ZFHX3: variants seen among roughly 807,000 people sequenced by gnomAD.
The protein encoded by ZFHX3 is zinc finger homeobox protein 3.
ZFHX3 carries 42 observed loss-of-function variants against 279.1 expected under a neutral mutation model. That is an observed-to-expected ratio of 0.15 (90% confidence interval 0.12 to 0.19). ZFHX3 has a LOEUF of 0.19. Among genes scored for constraint, ZFHX3 ranks in the 10% least tolerant of loss-of-function variants. The pLI is 1.00. For missense variants in ZFHX3, 4,981 were observed against 4,754.0 expected, an observed-to-expected ratio of 1.05 and a Z score of -1.40; for synonymous variants, 2,293 against 1,957.8, an observed-to-expected ratio of 1.17 and a Z score of -4.52.
intron 3 of ZFHX3, among the ~76,000 whole-genome samples, chr16:73,321,236 C>T (rs2015568106): frequency 6.6e-6 from 1 of 152,166 alleles, no homozygotes. Context: ...CTCTGGCTTC[C>T]TCAGGAGTCC....
At chr16:73,356,172 C>T (rs993871676) in intron 3 of ZFHX3, among the ~76,000 whole-genome samples, 1 of 152,198 alleles carries the variant, frequency 6.6e-6, no homozygotes, top group African/African-American at 2.4e-5. Context: ...GGAGTCACCC[C>T]CCGCCGACCA....
chr16:73,737,926 G>A (rs1316441600), intron 1 of ZFHX3, among the ~76,000 whole-genome samples: 3 of 152,134 alleles, frequency 2.0e-5, no homozygotes, highest in Non-Finnish European at 4.4e-5. Flanking sequence ...GAGAACCCAG[G>A]GGGTGTAGAG....
At chr16:73,114,768 G>T (rs34516333) in intron 7 of ZFHX3, among the ~76,000 whole-genome samples, 25,839 of 152,220 alleles carry the variant, frequency 0.17, 2,998 homozygotes, top group Middle Eastern at 0.25. Flanking sequence ...TGAATGGCCA[G>T]CCTGTCTTTG....
intron 7 of ZFHX3, among the ~76,000 whole-genome samples, chr16:73,130,330 C>T (rs926851930): frequency 3.9e-5 from 6 of 151,938 alleles, no homozygotes; most frequent in African/African-American, 7.2e-5. Context: ...GATGGCTCTG[C>T]GTTCTTGGGC....
chr16:73,007,994 C>T (rs1339317877), intron 1 of ZFHX3, among the ~76,000 whole-genome samples: 1 of 152,106 alleles, frequency 6.6e-6, no homozygotes, highest in Non-Finnish European at 1.5e-5. Context: ...CTTAATTAAA[C>T]ATGATAGTGA....
chr16:73,414,217 A>G (rs1490366203), intron 3 of ZFHX3, among the ~76,000 whole-genome samples: 1 of 152,258 alleles, frequency 6.6e-6, no homozygotes, highest in South Asian at 2.1e-4. Context: ...AGCTCCAACC[A>G]TTACCTGAAA....
At chr16:73,310,845 C>G (rs755203176) in intron 4 of ZFHX3, among the ~76,000 whole-genome samples, 10 of 147,078 alleles carry the variant, frequency 6.8e-5, no homozygotes, top group Admixed American at 2.0e-4. Flanking sequence ...ATAGGCTCAC[C>G]CTGTAATATT....
intron 3 of ZFHX3, among the ~76,000 whole-genome samples, chr16:72,904,346 A>G (rs1203620903): frequency 1.3e-5 from 2 of 151,566 alleles, no homozygotes; most frequent in African/African-American, 4.9e-5. Context: ...CCAGCCTGGC[A>G]ACAGAGTGAG....
rs115197532 is a variant in ZFHX3 at position 72,892,120 on chromosome 16, G to A, written c.3217-2158C>T. Among the ~76,000 whole-genome samples, 428 of 152,306 alleles carry A rather than the reference G, an allele frequency of 2.8e-3. 3 individuals carry two copies. The highest frequency in any genetic ancestry group is 9.8e-3 in the African/African-American group (408 of 41,560). Reference sequence around the variant, plus strand: ...CACACGTCCTGTGTTCACTGATCACGTGTGAAAAATCCAGAAGCATGTTTG... The same window carrying A: ...CACACGTCCTGTGTTCACTGATCACATGTGAAAAATCCAGAAGCATGTTTG... On this transcript the variant is annotated intron_variant, in intron 3 of 9. Transcript: ENST00000268489.
At chr16:73,468,623 G>C (rs2018612183) in intron 2 of ZFHX3, among the ~76,000 whole-genome samples, 1 of 152,136 alleles carries the variant, frequency 6.6e-6, no homozygotes, top group Non-Finnish European at 1.5e-5. Context: ...TGTAATCCCA[G>C]CTTCTTGGAA....
At chr16:73,283,731 T>A (rs1424492079) in intron 4 of ZFHX3, among the ~76,000 whole-genome samples, 1 of 152,190 alleles carries the variant, frequency 6.6e-6, no homozygotes, top group African/African-American at 2.4e-5. Flanking sequence ...AAAATACATT[T>A]TAAAATTCTT....
intron 1 of ZFHX3, among the ~76,000 whole-genome samples, chr16:73,843,804 C>T (rs537080436): frequency 6.6e-6 from 1 of 152,290 alleles, no homozygotes; most frequent in Non-Finnish European, 1.5e-5. Flanking sequence ...AGGTCTCCTT[C>T]GCAGCTACTC....
chr16:73,022,884 C>T (rs1291626567), intron 1 of ZFHX3, among the ~76,000 whole-genome samples: 1 of 151,486 alleles, frequency 6.6e-6, no homozygotes, highest in Non-Finnish European at 1.5e-5. Context: ...TTTTTTTTTT[C>T]AAGAGAAGGT....
At chr16:73,382,804 G>T (rs899929811) in intron 3 of ZFHX3, among the ~76,000 whole-genome samples, 1 of 152,156 alleles carries the variant, frequency 6.6e-6, no homozygotes, top group African/African-American at 2.4e-5. Flanking sequence ...ACTTTCAATA[G>T]AAACAAATGT....
chr16:73,424,078 T>C (rs1409314764), intron 3 of ZFHX3, among the ~76,000 whole-genome samples: 1 of 152,156 alleles, frequency 6.6e-6, no homozygotes, highest in Non-Finnish European at 1.5e-5. Flanking sequence ...TCCACCCATC[T>C]GAGAGCCCAC....
chr16:73,753,378 C>T (rs941747089), intron 1 of ZFHX3, among the ~76,000 whole-genome samples: 23 of 152,192 alleles, frequency 1.5e-4, no homozygotes, highest in African/African-American at 5.3e-4. Flanking sequence ...TGACAGTCCA[C>T]ATATACTGTG....
chr16:73,628,636 A>G (rs911786363), intron 2 of ZFHX3, among the ~76,000 whole-genome samples: 1 of 152,242 alleles, frequency 6.6e-6, no homozygotes, highest in African/African-American at 2.4e-5. Flanking sequence ...GTAGCTTTAG[A>G]GAGCACTTGT....
At chr16:73,065,606 T>TGTGTGC (rs1555546712) in intron 8 of ZFHX3, among the ~76,000 whole-genome samples, 1 of 145,536 alleles carries the variant, frequency 6.9e-6, no homozygotes, top group Non-Finnish European at 1.5e-5. Flanking sequence ...TGTGTGTGTG[T>TGTGTGC]GCGTGTGTGT....
chr16:73,247,648 A>G (rs1243058372), intron 5 of ZFHX3, among the ~76,000 whole-genome samples: 2 of 149,970 alleles, frequency 1.3e-5, no homozygotes, highest in Non-Finnish European at 3.0e-5. Context: ...TATACTATGT[A>G]TATAATGTGT....
Sources: allele counts gnomAD v4.1 joint callset (sites outside exome capture counted in the v4.1 genomes callset), GRCh38; gene constraint gnomAD v4.1.1; transcripts MANE v1.5; gene names NCBI Gene and HGNC (gene_info 2026-07-23, HGNC 2026-07-21).